The following CACNB4 variants were observed in gnomAD, a reference collection of about 807,000 sequenced individuals.
CACNB4 encodes voltage-dependent L-type calcium channel subunit beta-4.
CACNB4 carries 32 observed loss-of-function variants against 71.2 expected under a neutral mutation model. That is an observed-to-expected ratio of 0.45 (90% CI 0.34 to 0.60). CACNB4 has a LOEUF of 0.60. CACNB4 is among the 20% of genes least tolerant of loss of function. The pLI is 0.01. For missense variants in CACNB4, 464 were observed against 647.9 expected, an observed-to-expected ratio of 0.72 and a Z score of 3.08; for synonymous variants, 231 against 236.9, an observed-to-expected ratio of 0.97 and a Z score of 0.23.
intron 2 of CACNB4, among the ~76,000 whole-genome samples, chr2:152,016,168 G>A (rs1683333791): frequency 6.6e-6 from 1 of 152,200 alleles, no homozygotes; most frequent in African/African-American, 2.4e-5. Flanking sequence ...GCACTTTAGG[G>A]TGGCTTGAGA....
chr2:152,085,334 G>A (rs184775893), intron 2 of CACNB4, among the ~76,000 whole-genome samples: 13 of 152,256 alleles, frequency 8.5e-5, no homozygotes, highest in South Asian at 2.1e-4. Flanking sequence ...GAGCATACTT[G>A]CAAGCAATAA....
At position 152,099,029 on chromosome 2, in the gene CACNB4, T is replaced by C. The variant is rs773254424; in HGVS notation, c.-18A>G. The C allele has an allele frequency of 1.6e-5, 24 of 1,511,358 alleles. No homozygotes were observed. The highest frequency in any genetic ancestry group is 7.2e-5 in the African/African-American group (5 of 69,682). The allele number at this position is 1,511,358 out of a possible 1,614,324, so 93.6% of individuals were successfully genotyped here. ...GAGGACATCGTTCAGAGCCGCCGCATGGCCAGCCCGTGTGCGGTGGGCGGA... is the reference window on the plus strand; with the variant it reads ...GAGGACATCGTTCAGAGCCGCCGCACGGCCAGCCCGTGTGCGGTGGGCGGA... On this transcript the variant is annotated 5_prime_UTR_variant, in exon 1 of 14. An upstream start codon of the reference 5' UTR is lost. Transcript: ENST00000539935.
chr2:152,026,156 C>G (rs1481688416), intron 2 of CACNB4, among the ~76,000 whole-genome samples: 1 of 152,202 alleles, frequency 6.6e-6, no homozygotes, highest in East Asian at 1.9e-4. Context: ...TTCACACACT[C>G]TGCCTTTTCT....
intron 2 of CACNB4, among the ~76,000 whole-genome samples, chr2:151,925,696 G>C (rs1004453530): frequency 1.1e-4 from 16 of 151,762 alleles, no homozygotes; most frequent in African/African-American, 2.2e-4. Context: ...GAGCAGGGAG[G>C]GGGTGGGGAG....
intron 2 of CACNB4, among the ~76,000 whole-genome samples, chr2:151,957,146 CCATCT>C (rs2151683192): frequency 6.6e-6 from 1 of 151,948 alleles, no homozygotes; most frequent in East Asian, 1.9e-4. Flanking sequence ...GAGTCAGACT[CCATCT>C]CAAAAAAAAG....
At chr2:152,080,307 G>A (rs1008950162) in intron 2 of CACNB4, among the ~76,000 whole-genome samples, 1 of 151,974 alleles carries the variant, frequency 6.6e-6, no homozygotes, top group African/African-American at 2.4e-5. Context: ...ATTTTTAGTA[G>A]AGACAGGGTT....
chr2:151,847,247 G>T (rs922045822), intron 12 of CACNB4, among the ~76,000 whole-genome samples: 1 of 152,080 alleles, frequency 6.6e-6, no homozygotes, highest in Admixed American at 6.6e-5. Flanking sequence ...GGGCTTAGTG[G>T]CATATTCCTA....
intron 2 of CACNB4, among the ~76,000 whole-genome samples, chr2:152,007,809 T>C (rs1038375322): frequency 6.6e-6 from 1 of 151,938 alleles, no homozygotes; most frequent in African/African-American, 2.4e-5. Flanking sequence ...TCTCGCTCTG[T>C]CACCCAGGCT....
chr2:151,958,475 C>T (rs973202603), intron 2 of CACNB4, among the ~76,000 whole-genome samples: 16 of 152,160 alleles, frequency 1.1e-4, no homozygotes, highest in African/African-American at 3.9e-4. Flanking sequence ...TGGCTTCTAA[C>T]CTGAGATCCC....
At chr2:151,876,363 C>A (rs187413226) in intron 5 of CACNB4, 63 bp downstream of exon 5, 1 of 1,442,406 alleles carries the variant, frequency 6.9e-7, no homozygotes, top group Non-Finnish European at 9.6e-7. Context: ...AAAGTATACA[C>A]CCTTGAAAAT....
chr2:152,064,422 A>C (rs1021532366), intron 2 of CACNB4, among the ~76,000 whole-genome samples: 1 of 152,188 alleles, frequency 6.6e-6, no homozygotes, highest in Non-Finnish European at 1.5e-5. Context: ...GCTCTGTCAC[A>C]CAGGCTGGAG....
rs544102536 is a variant in CACNB4, at chr2:152,014,013, T to C, written c.147+84317A>G. Among the ~76,000 whole-genome samples the C allele has an allele frequency of 5.3e-5, 8 of 152,312 alleles. No individual in the cohort carries two copies. In the East Asian group the frequency reaches 7.7e-4, roughly 15 times the overall value. On this transcript the variant is annotated intron_variant, in intron 2 of 13. Coordinates refer to ENST00000539935, the MANE Select transcript of CACNB4 (RefSeq NM_000726.5). ...AAAACAATGACACTACCCTGTTACATGATGGGATGTAGTGAGCAACACTCC... is the reference window on the plus strand; with the variant it reads ...AAAACAATGACACTACCCTGTTACACGATGGGATGTAGTGAGCAACACTCC...
rs114001265 is a variant in CACNB4, at chr2:151,973,655, A to G, written c.148-90285T>C. The G allele has an allele frequency of 1.9e-3, 3,067 of 1,612,234 alleles. 55 individuals are homozygous for G. In the African/African-American group the frequency reaches 0.036, roughly 19 times the overall value. On this transcript the variant is annotated intron_variant, in intron 2 of 13. Transcript: ENST00000539935. ...GGAGGGGAGAGGGAATTAGCTATCT[A>G]TGAAAATACTTACAGCCTCCGAGTC...
chr2:151,892,138 GGCGCTGATCATT>G (rs2099850864), intron 2 of CACNB4, among the ~76,000 whole-genome samples: 1 of 152,158 alleles, frequency 6.6e-6, no homozygotes, highest in African/African-American at 2.4e-5. Context: ...ATACTGATGA[GGCGCTGATCATT>G]GCCTGAAAAC....
chr2:152,003,849 C>T (rs930817691), intron 2 of CACNB4, among the ~76,000 whole-genome samples: 2 of 151,820 alleles, frequency 1.3e-5, no homozygotes, highest in Non-Finnish European at 2.9e-5. Flanking sequence ...AAAAACCTTA[C>T]TTTAAAAAAA....
intron 2 of CACNB4, among the ~76,000 whole-genome samples, chr2:152,061,869 G>A (rs1378153861): frequency 6.6e-6 from 1 of 151,586 alleles, no homozygotes; most frequent in Non-Finnish European, 1.5e-5. Context: ...AAAATTAGCT[G>A]GGTGTGGTGG....
intron 9 of CACNB4, 72 bp from the exon 10 acceptor site, chr2:151,860,892 C>T (rs2099841464): frequency 5.2e-6 from 5 of 968,372 alleles, no homozygotes; most frequent in Non-Finnish European, 8.4e-6. Flanking sequence ...TTTATAACCA[C>T]AGTACTTAAT....
chr2:151,979,250 C>T (rs779601945), intron 2 of CACNB4, among the ~76,000 whole-genome samples: 3 of 152,204 alleles, frequency 2.0e-5, no homozygotes, highest in South Asian at 2.1e-4. Context: ...ACCCTAGAGA[C>T]GTGCAGAGGA....
intron 2 of CACNB4, among the ~76,000 whole-genome samples, chr2:152,085,601 C>CTT (rs1418816373): frequency 6.6e-6 from 1 of 152,058 alleles, no homozygotes; most frequent in African/African-American, 2.4e-5. Context: ...ACAGCTCTTG[C>CTT]GGCTTCCTTT....
Sources: gnomAD v4.1 joint callset for allele counts (sites outside exome capture counted in the v4.1 genomes callset) on GRCh38, gnomAD v4.1.1 for gene constraint, MANE v1.5 for transcripts, NCBI Gene and HGNC (gene_info 2026-07-23, HGNC 2026-07-21) for gene names.